The following RBM19 variants were observed in gnomAD, a reference collection of about 807,000 sequenced individuals.
RBM19 encodes the protein RNA binding motif protein 19.
Under a neutral mutation model 116.8 loss-of-function variants are expected in RBM19, and 94 were observed. That is an observed-to-expected ratio of 0.80 (90% CI 0.68 to 0.95). RBM19 has a LOEUF of 0.95. Ranked by LOEUF, RBM19 falls within the 40% of genes least tolerant of loss-of-function variation. The probability of loss-of-function intolerance (pLI) is 0.00; values close to 1 mark genes in which losing one functional copy is unlikely to be tolerated. For synonymous variants in RBM19, 475 were observed against 494.1 expected (o/e 0.96, Z 0.51); for missense variants, 1,161 against 1,220.7 (o/e 0.95, Z 0.73).
At chr12:113,836,493 TTGG>T (rs1228273945) in intron 23 of RBM19, among the ~76,000 whole-genome samples, 3 of 151,996 alleles carry the variant, frequency 2.0e-5, no homozygotes, top group Non-Finnish European at 4.4e-5. Flanking sequence ...AGGCTTCCGC[TTGG>T]TGGGGAGGGG....
At chr12:113,899,539 T>TG (rs1881547943) in intron 21 of RBM19, among the ~76,000 whole-genome samples, 1 of 152,184 alleles carries the variant, frequency 6.6e-6, no homozygotes, top group South Asian at 2.1e-4. Flanking sequence ...AGGGTTTTAA[T>TG]GGGGTAAGCC....
intron 8 of RBM19, among the ~76,000 whole-genome samples, chr12:113,951,206 C>A (rs746711101): frequency 6.6e-6 from 1 of 152,098 alleles, no homozygotes; most frequent in African/African-American, 2.4e-5. Flanking sequence ...GCTTAAGGGG[C>A]CCAGCCTGCC....
intron 21 of RBM19, among the ~76,000 whole-genome samples, chr12:113,883,055 A>G (rs529388292): frequency 6.6e-6 from 1 of 152,284 alleles, no homozygotes; most frequent in East Asian, 1.9e-4. Flanking sequence ...AGAGAGAGAG[A>G]GAGGGAAGGA....
chr12:113,948,804 T>G (rs1460301938), intron 10 of RBM19, 29 bp downstream of exon 10: 7 of 1,611,868 alleles, frequency 4.3e-6, no homozygotes, highest in East Asian at 2.2e-5. Context: ...GCCGCTGGGC[T>G]ATCCACGGCC....
chr12:113,863,006 T>G (rs1878514279), intron 21 of RBM19, among the ~76,000 whole-genome samples: 1 of 151,982 alleles, frequency 6.6e-6, no homozygotes. Flanking sequence ...GGTTTGTGGG[T>G]TTTCCACAAC....
chr12:113,935,142 A>C (rs1869935898), intron 16 of RBM19, among the ~76,000 whole-genome samples: 1 of 152,210 alleles, frequency 6.6e-6, no homozygotes, highest in Admixed American at 6.5e-5. Flanking sequence ...GGACACAAGG[A>C]AATGAAGAGC....
At chr12:113,847,057 A>G (rs1877047181) in intron 22 of RBM19, among the ~76,000 whole-genome samples, 1 of 152,182 alleles carries the variant, frequency 6.6e-6, no homozygotes, top group African/African-American at 2.4e-5. Flanking sequence ...GTTTTGTTAT[A>G]GTAGCCCTAG....
chr12:113,913,752 G>GA lies in RBM19; in HGVS notation c.2558+1216dup, dbSNP rs1882599015. Among the ~76,000 whole-genome samples, 4 of 152,310 alleles carry GA rather than the reference G, an allele frequency of 2.6e-5. No homozygotes were observed. In the South Asian group the frequency reaches 8.3e-4, roughly 32 times the overall value. On this transcript the variant is annotated intron_variant, in intron 21 of 23. Transcript: ENST00000261741. ...AACTCTAACAGAGGCTTCACTCTTG[G>GA]ACCCTTGTGCAAGTGTAGAATGAAC...
intron 18 of RBM19, among the ~76,000 whole-genome samples, chr12:113,924,402 A>T (rs11066815): frequency 3.9e-4 from 59 of 152,138 alleles, no homozygotes; most frequent in African/African-American, 1.4e-3. Flanking sequence ...GGTCCTCACT[A>T]TCTGCCCACA....
intron 21 of RBM19, among the ~76,000 whole-genome samples, chr12:113,871,417 T>C (rs954947268): frequency 1.3e-5 from 2 of 152,242 alleles, no homozygotes; most frequent in Non-Finnish European, 2.9e-5. Flanking sequence ...AAGTGACAAC[T>C]AGCAGCCACG....
intron 21 of RBM19, among the ~76,000 whole-genome samples, chr12:113,889,372 C>T (rs1248151370): frequency 6.6e-6 from 1 of 152,192 alleles, no homozygotes; most frequent in Non-Finnish European, 1.5e-5. Flanking sequence ...GGAGAACCCA[C>T]AGGAATGTGG....
At chr12:113,935,606 T>C (rs1269444026) in intron 16 of RBM19, among the ~76,000 whole-genome samples, 2 of 152,184 alleles carry the variant, frequency 1.3e-5, no homozygotes, top group African/African-American at 4.8e-5. Flanking sequence ...TGTTTCCTGA[T>C]TGAAACAGGC....
chr12:113,957,326 A>G (rs1872029133), intron 6 of RBM19, among the ~76,000 whole-genome samples: 1 of 152,236 alleles, frequency 6.6e-6, no homozygotes, highest in Non-Finnish European at 1.5e-5. Context: ...CTATAATCCC[A>G]GCACTTTGGG....
intron 21 of RBM19, among the ~76,000 whole-genome samples, chr12:113,860,573 A>G (rs923806935): frequency 2.6e-5 from 4 of 152,230 alleles, no homozygotes; most frequent in African/African-American, 9.6e-5. Flanking sequence ...TGAGAGGCAC[A>G]TGGAAGACCA....
chr12:113,952,236 C>T (rs546182775), intron 8 of RBM19, among the ~76,000 whole-genome samples: 15 of 152,236 alleles, frequency 9.9e-5, no homozygotes, highest in African/African-American at 2.9e-4. Context: ...TTTGTTTCAG[C>T]GTAATAGGTG....
downstream of RBM19, among the ~76,000 whole-genome samples, chr12:113,820,018 G>A (rs1205400861): frequency 6.6e-6 from 1 of 151,662 alleles, no homozygotes; most frequent in Non-Finnish European, 1.5e-5. Flanking sequence ...CCTGTACTGA[G>A]TGCTGTGACT....
At chr12:113,896,776 C>T (rs1434408163) in intron 21 of RBM19, among the ~76,000 whole-genome samples, 1 of 152,178 alleles carries the variant, frequency 6.6e-6, no homozygotes. Context: ...GAGGCCAGCA[C>T]AGCCTTTCTG....
intron 21 of RBM19, among the ~76,000 whole-genome samples, chr12:113,910,728 G>A (rs954635013): frequency 2.6e-5 from 4 of 152,228 alleles, no homozygotes; most frequent in Admixed American, 2.6e-4. Flanking sequence ...TGCGTGGCAC[G>A]TGGTTCACCC....
At chr12:113,861,012 G>A (rs1219680045) in intron 21 of RBM19, among the ~76,000 whole-genome samples, 1 of 152,254 alleles carries the variant, frequency 6.6e-6, no homozygotes, top group Admixed American at 6.5e-5. Flanking sequence ...TAGCACAAAT[G>A]TGAACTATTG....
Sources: allele counts gnomAD v4.1 joint callset (sites outside exome capture counted in the v4.1 genomes callset), GRCh38; gene constraint gnomAD v4.1.1; transcripts MANE v1.5; gene names NCBI Gene and HGNC (gene_info 2026-07-23, HGNC 2026-07-21).